The following PCDHGB5 variants were observed in gnomAD, a reference collection of about 807,000 sequenced individuals.
PCDHGB5 encodes protocadherin gamma-B5.
PCDHGB5 carries 48 observed loss-of-function variants against 62.9 expected under a neutral mutation model. That is an observed-to-expected ratio of 0.76 (90% confidence interval 0.61 to 0.97). The LOEUF (loss-of-function observed/expected upper bound fraction) is 0.97. Among genes scored for constraint, PCDHGB5 ranks in the 50% least tolerant of loss-of-function variants. The pLI, the probability that PCDHGB5 is intolerant of heterozygous loss-of-function variation, is 0.00. For missense variants in PCDHGB5, 1,118 were observed against 1,198.6 expected (o/e 0.93, Z 0.99); for synonymous variants, 474 against 511.2 (o/e 0.93, Z 0.98).
rs573088236 is a variant in PCDHGB5, at chr5:141,489,279, G to A, written c.2398-5528G>A. On this transcript the variant is annotated intron_variant, in intron 1 of 3. Coordinates refer to ENST00000617380, the MANE Select transcript of PCDHGB5 (RefSeq NM_018925.3). This position sits in a 1 kb window ranked among gnomAD's most constrained non-coding sequence, Gnocchi z 4.5. Reference sequence around the variant, plus strand: ...CACTCCCACAGCTCGCTGGGAAATGGCAAGTGCTGTGCATGTTGTCCTTGT... The same window carrying A: ...CACTCCCACAGCTCGCTGGGAAATGACAAGTGCTGTGCATGTTGTCCTTGT... The A allele has an allele frequency of 6.4e-7, 1 of 1,562,030 alleles. No individual in the cohort carries two copies. Among genetic ancestry groups the A allele is most frequent in the East Asian group, 2.2e-5 (1 of 44,522 alleles).
At position 141,491,098 on chromosome 5, in the gene PCDHGB5, C is replaced by A. The variant is rs1283499077; in HGVS notation, c.2398-3709C>A. ...ACAGTCCACAGCCCCAGGACTGTTC[C>A]TCGTGTCTACACACACTGGTGAGGT... On this transcript the variant is annotated intron_variant, in intron 1 of 3. Coordinates refer to ENST00000617380, the MANE Select transcript of PCDHGB5 (RefSeq NM_018925.3). This position sits in a 1 kb window ranked among gnomAD's most constrained non-coding sequence, Gnocchi z 6.9. 6.2e-7 allele frequency: 1 copy of A among 1,614,216 alleles called. No individual in the cohort carries two copies. Among genetic ancestry groups the A allele is most frequent in the Non-Finnish European group, 8.5e-7 (1 of 1,180,038 alleles).
Position 141,510,942 on chromosome 5 carries a change from T to C in PCDHGB5, c.2546-5T>C, listed in dbSNP as rs769766039. On this transcript the variant is annotated splice_region_variant and splice_polypyrimidine_tract_variant and intron_variant, in intron 3 of 3. Transcript: ENST00000617380. ...CTCCCACCTGATCTTCCTCTGTCTCTGCAGAAGCTGCTGATGGGAGCTCCA... is the reference window on the plus strand; with the variant it reads ...CTCCCACCTGATCTTCCTCTGTCTCCGCAGAAGCTGCTGATGGGAGCTCCA... 5 of 1,613,984 alleles carry C rather than the reference T, an allele frequency of 3.1e-6. No homozygotes were observed. The highest frequency in any genetic ancestry group is 4.2e-6 in the Non-Finnish European group (5 of 1,180,014).
At chr5:141,447,263 C>A (rs953578064) in intron 1 of PCDHGB5, among the ~76,000 whole-genome samples, 1 of 152,116 alleles carries the variant, frequency 6.6e-6, no homozygotes, top group Non-Finnish European at 1.5e-5. Context: ...TCTCAGCCTC[C>A]CAAGTAGCTG....
intron 1 of PCDHGB5, among the ~76,000 whole-genome samples, chr5:141,437,614 A>G (rs113599071): frequency 3.1e-4 from 47 of 152,242 alleles, no homozygotes; most frequent in Non-Finnish European, 5.1e-4. Flanking sequence ...AATCTGCTTT[A>G]TCCCCATATA....
intron 1 of PCDHGB5, among the ~76,000 whole-genome samples, chr5:141,456,640 TG>T (rs1258175023): frequency 6.6e-6 from 1 of 152,130 alleles, no homozygotes; most frequent in Non-Finnish European, 1.5e-5. Flanking sequence ...TTACTACAGG[TG>T]TTAATCCCAA....
intron 2 of PCDHGB5, among the ~76,000 whole-genome samples, chr5:141,495,758 C>T (rs2099763543): frequency 6.6e-6 from 1 of 152,122 alleles, no homozygotes; most frequent in Non-Finnish European, 1.5e-5. Flanking sequence ...ATCTCTGCCT[C>T]CCTGTCCTTG....
At chr5:141,428,489 T>C (rs2097142285) in intron 1 of PCDHGB5, 1 of 312,516 alleles carries the variant, frequency 3.2e-6, no homozygotes. Context: ...TCCTGCAATC[T>C]GTATGTTCCC....
At chr5:141,433,129 C>T in intron 1 of PCDHGB5, 1 of 1,614,130 alleles carries the variant, frequency 6.2e-7, no homozygotes, top group Non-Finnish European at 8.5e-7. Context: ...AAAGCGAGCC[C>T]CTTTTGCTGT....
chr5:141,428,037 C>G lies in PCDHGB5; in HGVS notation c.2397+27513C>G, dbSNP rs762273592. 3.7e-6 allele frequency: 6 copies of G among 1,608,340 alleles called. No homozygotes were observed. In the African/African-American group the frequency reaches 8.0e-5, roughly 21 times the overall value. ...GCCACGCGCCGCAGAGTCCGGCTACCTGGTGACCAAGGTGGTGGCGGTGGA... is the reference window on the plus strand; with the variant it reads ...GCCACGCGCCGCAGAGTCCGGCTACGTGGTGACCAAGGTGGTGGCGGTGGA... On this transcript the variant is annotated intron_variant, in intron 1 of 3. Coordinates refer to ENST00000617380, the MANE Select transcript of PCDHGB5 (RefSeq NM_018925.3).
intron 1 of PCDHGB5, chr5:141,440,464 G>C (rs2003094): frequency 1.3e-5 from 2 of 152,150 alleles, no homozygotes; most frequent in Admixed American, 6.5e-5. Context: ...ATGAACAAAC[G>C]GTAGTTGAAA....
intron 1 of PCDHGB5, among the ~76,000 whole-genome samples, chr5:141,488,289 TAAGTGAA>T (rs1389982829): frequency 6.6e-6 from 1 of 152,186 alleles, no homozygotes; most frequent in Non-Finnish European, 1.5e-5. Context: ...GAAAAAACAG[TAAGTGAA>T]ATCACTTATG....
At chr5:141,501,628 C>T (rs1217355708) in intron 2 of PCDHGB5, among the ~76,000 whole-genome samples, 1 of 152,112 alleles carries the variant, frequency 6.6e-6, no homozygotes, top group Non-Finnish European at 1.5e-5. Flanking sequence ...TATAGTCTCT[C>T]AACCTCTCTG....
intron 1 of PCDHGB5, among the ~76,000 whole-genome samples, chr5:141,457,612 G>T (rs1011626121): frequency 1.8e-4 from 27 of 152,232 alleles, no homozygotes; most frequent in Non-Finnish European, 2.9e-4. Flanking sequence ...AATTATGAAT[G>T]AACTTTAATC....
chr5:141,463,590 A>G (rs975534405), intron 1 of PCDHGB5, among the ~76,000 whole-genome samples: 3 of 151,848 alleles, frequency 2.0e-5, no homozygotes, highest in African/African-American at 7.3e-5. Flanking sequence ...CTGGGACTAC[A>G]GGTGCCTGCC....
chr5:141,428,199 C>T (rs760718878), intron 1 of PCDHGB5: 28 of 1,364,510 alleles, frequency 2.1e-5, no homozygotes, highest in Non-Finnish European at 2.9e-5. Flanking sequence ...CTCTCTGCGC[C>T]GCTACGCTTC....
intron 1 of PCDHGB5, chr5:141,424,098 C>T: frequency 8.3e-6 from 7 of 846,340 alleles, no homozygotes; most frequent in Non-Finnish European, 1.0e-5. Flanking sequence ...TTTGCTATTA[C>T]TGCTAATGTT....
At position 141,431,031 on chromosome 5, in the gene PCDHGB5, A is replaced by C; in HGVS notation, c.2397+30507A>C. Reference sequence around the variant, plus strand: ...AGCTTGGTCACGGCGGGCAGGATAGACCGGGAGGAGCTCTGTATGGGGGCC... The same window carrying C: ...AGCTTGGTCACGGCGGGCAGGATAGCCCGGGAGGAGCTCTGTATGGGGGCC... On this transcript the variant is annotated intron_variant, in intron 1 of 3. Coordinates refer to ENST00000617380, the MANE Select transcript of PCDHGB5 (RefSeq NM_018925.3). This position sits in a 1 kb window ranked among gnomAD's most constrained non-coding sequence, Gnocchi z 4.8. 1 of 1,614,036 alleles carries C rather than the reference A, an allele frequency of 6.2e-7. No homozygotes were observed. The highest frequency in any genetic ancestry group is 8.5e-7 in the Non-Finnish European group (1 of 1,180,000).
rs1446743849 is a variant in PCDHGB5, at chr5:141,476,288, C to T, written c.2398-18519C>T. The T allele has an allele frequency of 1.3e-5, 21 of 1,613,980 alleles. No individual in the cohort carries two copies. The highest frequency in any genetic ancestry group is 2.2e-5 in the South Asian group (2 of 91,076). On this transcript the variant is annotated intron_variant, in intron 1 of 3. Coordinates refer to ENST00000617380, the MANE Select transcript of PCDHGB5 (RefSeq NM_018925.3). This position sits in a 1 kb window ranked among gnomAD's most constrained non-coding sequence, Gnocchi z 7.6. ...CGTGGTCGCGAACCTTGGTTTGGAT[C>T]TCGGTAGCCTCTCAGCCCGCAGGTT...
At chr5:141,481,077 G>A (rs1251064585) in intron 1 of PCDHGB5, among the ~76,000 whole-genome samples, 5 of 151,906 alleles carry the variant, frequency 3.3e-5, no homozygotes, top group Non-Finnish European at 7.4e-5. Context: ...AAGAAAGAAA[G>A]AAAAAAGAAA....
Sources: gnomAD v4.1 joint callset for allele counts (sites outside exome capture counted in the v4.1 genomes callset) on GRCh38, gnomAD v4.1.1 for gene constraint, Gnocchi (gnomAD v3.1) non-coding constraint, MANE v1.5 for transcripts, NCBI Gene and HGNC (gene_info 2026-07-23, HGNC 2026-07-21) for gene names.